Variants in RIMS1 observed in about 807,000 individuals in gnomAD.
RIMS1 encodes the protein regulating synaptic membrane exocytosis protein 1.
In RIMS1, 83 loss-of-function variants were observed where a neutral mutation model predicts 214.1. That is an observed-to-expected ratio of 0.39 (90% CI 0.32 to 0.47). RIMS1 has a LOEUF of 0.47. Ranked by LOEUF, RIMS1 falls within the 20% of genes least tolerant of loss-of-function variation. The pLI, the probability that RIMS1 is intolerant of heterozygous loss-of-function variation, is 0.99. For synonymous variants in RIMS1, 793 were observed against 786.8 expected (o/e 1.01, Z -0.13); for missense variants, 2,050 against 2,161.8 (o/e 0.95, Z 1.03).
At chr6:72,051,199 G>C (rs990737176) in intron 2 of RIMS1, among the ~76,000 whole-genome samples, 8 of 152,094 alleles carry the variant, frequency 5.3e-5, no homozygotes, top group African/African-American at 1.9e-4. Flanking sequence ...TTGCCTTTGA[G>C]GGTATGAAGA....
intron 2 of RIMS1, among the ~76,000 whole-genome samples, chr6:72,035,294 G>A (rs963945782): frequency 6.6e-6 from 1 of 152,088 alleles, no homozygotes; most frequent in Non-Finnish European, 1.5e-5. Context: ...ACCTACAAAT[G>A]GTGAGGGCTG....
intron 2 of RIMS1, among the ~76,000 whole-genome samples, chr6:72,017,099 C>T (rs947635068): frequency 2.0e-5 from 3 of 152,130 alleles, no homozygotes; most frequent in Admixed American, 6.6e-5. Flanking sequence ...CATGATGGCC[C>T]GTGGTATAGA....
At chr6:72,320,055 G>A (rs557438568) in intron 28 of RIMS1, among the ~76,000 whole-genome samples, 5 of 152,076 alleles carry the variant, frequency 3.3e-5, no homozygotes, top group African/African-American at 7.2e-5. Context: ...ATAGTGCAAC[G>A]GCATTTAAAA....
chr6:72,087,540 A>G (rs78966415), intron 2 of RIMS1, among the ~76,000 whole-genome samples: 18,204 of 152,188 alleles, frequency 0.12, 1,358 homozygotes, highest in South Asian at 0.18. Flanking sequence ...AGGTTGACTA[A>G]CTTTATCAAA....
chr6:72,354,668 C>G (rs551472743), intron 29 of RIMS1, among the ~76,000 whole-genome samples: 2 of 152,246 alleles, frequency 1.3e-5, no homozygotes, highest in Admixed American at 1.3e-4. Context: ...TTTCCTAGTA[C>G]TGTTTTGCTA....
At chr6:72,342,676 C>A (rs893006000) in intron 29 of RIMS1, among the ~76,000 whole-genome samples, 23 of 150,418 alleles carry the variant, frequency 1.5e-4, no homozygotes, top group Non-Finnish European at 2.4e-4. Flanking sequence ...TGTTTCAGAA[C>A]AAAGGAATCT....
intron 29 of RIMS1, among the ~76,000 whole-genome samples, chr6:72,354,076 C>T (rs2097550468): frequency 6.6e-6 from 1 of 152,072 alleles, no homozygotes; most frequent in Non-Finnish European, 1.5e-5. Context: ...AAAAATTAGC[C>T]GGGCGTGGTG....
chr6:72,052,087 G>A (rs1485245084), intron 2 of RIMS1, among the ~76,000 whole-genome samples: 1 of 152,182 alleles, frequency 6.6e-6, no homozygotes, highest in Non-Finnish European at 1.5e-5. Context: ...AGATAGTGGT[G>A]TACATAGTTT....
At chr6:72,343,492 CTTTTT>C (rs764125827) in intron 29 of RIMS1, among the ~76,000 whole-genome samples, 2 of 57,302 alleles carry the variant, frequency 3.5e-5, no homozygotes, top group African/African-American at 1.9e-4. Context: ...TCTTCTTCTT[CTTTTT>C]TTTTTTTTTT....
At chr6:72,177,312 C>A (rs181235246) in intron 4 of RIMS1, among the ~76,000 whole-genome samples, 1 of 152,130 alleles carries the variant, frequency 6.6e-6, no homozygotes, top group African/African-American at 2.4e-5. Flanking sequence ...AGAACAGTGG[C>A]GGGATCTCAG....
intron 2 of RIMS1, among the ~76,000 whole-genome samples, chr6:72,040,021 C>A (rs1382138625): frequency 6.6e-6 from 1 of 152,052 alleles, no homozygotes; most frequent in Non-Finnish European, 1.5e-5. Flanking sequence ...CTTAAACTCA[C>A]AGACACTGCA....
At chr6:71,945,645 T>C (rs1448860016) in intron 1 of RIMS1, among the ~76,000 whole-genome samples, 1 of 151,770 alleles carries the variant, frequency 6.6e-6, no homozygotes, top group Non-Finnish European at 1.5e-5. Context: ...CTATTCAACA[T>C]AATACTGGAT....
intron 19 of RIMS1, chr6:72,262,149 A>AC: frequency 3.1e-6 from 3 of 981,088 alleles, no homozygotes; most frequent in Non-Finnish European, 3.6e-6. Flanking sequence ...GGATACTCAC[A>AC]CCAGTGGTCT....
chr6:72,391,025 A>AGT, intron 30 of RIMS1: 1 of 266,986 alleles, frequency 3.7e-6, no homozygotes, highest in East Asian at 6.6e-5. Flanking sequence ...TTTAGTGTAC[A>AGT]AATGCCACAG....
chr6:71,954,176 C>T lies in RIMS1; in HGVS notation c.165-14807C>T, dbSNP rs139466753. Among the ~76,000 whole-genome samples, 322 of 152,172 alleles carry T rather than the reference C, an allele frequency of 2.1e-3. 2 individuals carry two copies. The highest frequency in any genetic ancestry group is 6.6e-3 in the African/African-American group (273 of 41,502). ...AGAAAATAAATGTCCTTTTCCTTAT[C>T]GTAAGATATATGATATAAGACATAT... On this transcript the variant is annotated intron_variant, in intron 1 of 33. Coordinates refer to ENST00000521978, the MANE Select transcript of RIMS1 (RefSeq NM_014989.7).
At chr6:72,386,810 T>C (rs2098612419) in intron 29 of RIMS1, among the ~76,000 whole-genome samples, 1 of 147,572 alleles carries the variant, frequency 6.8e-6, no homozygotes, top group Non-Finnish European at 1.5e-5. Flanking sequence ...CTCTGCTCAC[T>C]GCAAGCTCCG....
intron 2 of RIMS1, among the ~76,000 whole-genome samples, chr6:72,010,047 A>G (rs1370216098): frequency 6.6e-6 from 1 of 152,220 alleles, no homozygotes; most frequent in Non-Finnish European, 1.5e-5. Context: ...TTTTAGACCA[A>G]TATCCCTGAT....
chr6:72,166,732 T>C (rs1485328361), intron 4 of RIMS1, among the ~76,000 whole-genome samples: 2 of 115,628 alleles, frequency 1.7e-5, no homozygotes, highest in Non-Finnish European at 1.8e-5. Context: ...AAAAAGTAAC[T>C]CTCTTAATTG....
At chr6:71,970,167 A>T (rs1195009768) in intron 2 of RIMS1, among the ~76,000 whole-genome samples, 1 of 152,216 alleles carries the variant, frequency 6.6e-6, no homozygotes, top group Non-Finnish European at 1.5e-5. Context: ...TTTTCCAAGA[A>T]ATAAAAATAG....
Sources: allele counts gnomAD v4.1 joint callset (sites outside exome capture counted in the v4.1 genomes callset), GRCh38; gene constraint gnomAD v4.1.1; transcripts MANE v1.5; gene names NCBI Gene and HGNC (gene_info 2026-07-23, HGNC 2026-07-21).